Variants in GNAS observed in about 807,000 individuals in gnomAD.
GNAS encodes protein ALEX.
Under a neutral mutation model 54.5 loss-of-function variants are expected in GNAS, and 8 were observed. The ratio of observed to expected loss-of-function variants is 0.15; its 90% CI spans 0.09 to 0.26. GNAS has a LOEUF of 0.26. GNAS is among the 10% of genes least tolerant of loss of function. GNAS has a pLI of 1.00. For synonymous variants in GNAS, 204 were observed against 191.4 expected (o/e 1.07, Z -0.54); for missense variants, 170 against 529.8 (o/e 0.32, Z 6.67).
At chr20:58,898,826 G>A (rs913327693) in intron 2 of GNAS, 115 bp from the exon 3 acceptor site, 14 of 959,124 alleles carry the variant, frequency 1.5e-5, no homozygotes, top group East Asian at 7.2e-5. Flanking sequence ...GCTGGCGCGC[G>A]AATTGTTGCT....
intron 3 of GNAS, among the ~76,000 whole-genome samples, chr20:58,899,227 T>C (rs908242215): frequency 9.9e-5 from 15 of 152,238 alleles, no homozygotes; most frequent in Non-Finnish European, 1.6e-4. Context: ...GGGAAAGTTA[T>C]AGATTTCAGC....
chr20:58,855,740 C>T lies in GNAS; in HGVS notation c.43+14854C>T, dbSNP rs1246288667. The T allele has an allele frequency of 9.6e-6, 6 of 622,342 alleles. No homozygotes were observed. The East Asian group carries it at 1.4e-4, about 14-fold the overall frequency. 38.6% of individuals were successfully genotyped at this position (622,342 alleles called of 1,614,324 possible). A position where few individuals can be genotyped will look rare whatever the true frequency, so the allele number is the denominator to read the frequency against. On this transcript the variant is annotated intron_variant, in intron 1 of 12. Coordinates refer to the GNAS transcript ENST00000306090. ...GGTGGGCTGGGGTCATTGGGGAAGGCGCGCCCCGCCTCGCCTGGCACGGCT... is the reference window on the plus strand; with the variant it reads ...GGTGGGCTGGGGTCATTGGGGAAGGTGCGCCCCGCCTCGCCTGGCACGGCT...
upstream of GNAS, chr20:58,840,536 G>A (rs749355517): frequency 1.2e-6 from 2 of 1,613,500 alleles, no homozygotes; most frequent in Non-Finnish European, 1.7e-6. The surrounding 1 kb of genome is among the most constrained non-coding windows in gnomAD (Gnocchi z 6.0). Context: ...GCCTGAAGAC[G>A]ATCGCGGCCC....
chr20:58,850,752 G>A (rs753729444), intron 1 of GNAS: 3 of 398,750 alleles, frequency 7.5e-6, no homozygotes, highest in East Asian at 3.6e-5. Context: ...CCTCTCCCCC[G>A]AGGCTCGGCA....
intron 1 of GNAS, chr20:58,852,576 C>A (rs931997893): frequency 4.0e-5 from 7 of 176,746 alleles, no homozygotes. Flanking sequence ...CTTCTTCAGT[C>A]CCCCCTCCCC....
chr20:58,849,486 T>C (rs1307894227), intron 1 of GNAS, among the ~76,000 whole-genome samples: 1 of 152,242 alleles, frequency 6.6e-6, no homozygotes, highest in East Asian at 1.9e-4. Context: ...TTTGAATGTG[T>C]GATCTTTATC....
In GNAS at chr20:58,891,765, C is replaced by T. The variant is rs2089378097; in HGVS notation, c.39C>T (p.Arg13=). The change falls in exon 1 of 13, where the codon CGC becomes CGT. Residue 13 remains arginine, a synonymous_variant. Transcript: ENST00000371085. ...GGAACAGTAAGACCGAGGACCAGCGCAACGAGGAGAAGGCGCAGCGTGAGG... is the reference window on the plus strand; with the variant it reads ...GGAACAGTAAGACCGAGGACCAGCGTAACGAGGAGAAGGCGCAGCGTGAGG... ...CLGNSKTEDQ[R]NEEKAQREAN... is the part of the protein sequence containing the mutation. 2 of 1,270,062 alleles carry T rather than the reference C, an allele frequency of 1.6e-6. No homozygotes were observed. Among genetic ancestry groups the T allele is most frequent in the Non-Finnish European group, 1.0e-6 (1 of 967,722 alleles). The allele number at this position is 1,270,062 out of a possible 1,614,324, so 78.7% of individuals were successfully genotyped here. A position where few individuals can be genotyped will look rare whatever the true frequency, so the allele number is the denominator to read the frequency against.
Position 58,891,785 on chromosome 20 carries a change from G to A in GNAS, c.59G>A (p.Arg20His). 2.3e-6 allele frequency: 3 copies of A among 1,285,644 alleles called. No individual in the cohort carries two copies. Among genetic ancestry groups the A allele is most frequent in the Non-Finnish European group, 3.1e-6 (3 of 976,298 alleles). 79.6% of individuals were successfully genotyped at this position (1,285,644 alleles called of 1,614,324 possible). A position where few individuals can be genotyped will look rare whatever the true frequency, so the allele number is the denominator to read the frequency against. Residue 20 changes from arginine (R) to histidine (H), a missense_variant, in exon 1 of 13, where the codon CGT becomes CAT. Physicochemically the swap from Arg to His is conservative, Grantham distance 29. Coordinates refer to ENST00000371085, the MANE Select transcript of GNAS (RefSeq NM_000516.7). ...EDQRNEEKAQ[R>H]EANKKIEKQL... is the part of the protein sequence containing the mutation. ...CAGCGCAACGAGGAGAAGGCGCAGCGTGAGGCCAACAAAAAGATCGAGAAG... is the reference window on the plus strand; with the variant it reads ...CAGCGCAACGAGGAGAAGGCGCAGCATGAGGCCAACAAAAAGATCGAGAAG...
intron 1 of GNAS, among the ~76,000 whole-genome samples, chr20:58,845,407 T>C (rs1314469669): frequency 6.6e-6 from 1 of 152,168 alleles, no homozygotes; most frequent in Non-Finnish European, 1.5e-5. Context: ...ACCATGGACA[T>C]ACAGCTAGAC....
At chr20:58,866,076 C>A (rs891004975) in intron 1 of GNAS, among the ~76,000 whole-genome samples, 7 of 152,176 alleles carry the variant, frequency 4.6e-5, no homozygotes, top group African/African-American at 1.7e-4. Context: ...CGTATCAGCT[C>A]TAGGGTGGCA....
chr20:58,844,508 A>G (rs184462913), intron 1 of GNAS, among the ~76,000 whole-genome samples: 2 of 152,346 alleles, frequency 1.3e-5, no homozygotes, highest in Admixed American at 1.3e-4. Flanking sequence ...CTAGCAGCCC[A>G]GGTTGCTTCT....
chr20:58,847,563 T>C (rs1026859954), intron 1 of GNAS, among the ~76,000 whole-genome samples: 11 of 152,234 alleles, frequency 7.2e-5, no homozygotes, highest in Non-Finnish European at 1.0e-4. Context: ...TTCTACCTTC[T>C]CTTTCTGCTT....
At chr20:58,890,353 C>T (rs2089064643), upstream of GNAS, among the ~76,000 whole-genome samples, 1 of 151,172 alleles carries the variant, frequency 6.6e-6, no homozygotes, top group Non-Finnish European at 1.5e-5. Flanking sequence ...ACGAGTAGGG[C>T]CTGGGCTGAC....
At chr20:58,896,769 C>T (rs554477189) in intron 2 of GNAS, among the ~76,000 whole-genome samples, 4 of 152,160 alleles carry the variant, frequency 2.6e-5, no homozygotes, top group Non-Finnish European at 5.9e-5. Flanking sequence ...CAGTCCTGTT[C>T]CCTTTCTTAA....
At chr20:58,839,779 C>T (rs2085652298), upstream of GNAS, 5 of 569,510 alleles carry the variant, frequency 8.8e-6, no homozygotes, top group Non-Finnish European at 1.5e-5. Context: ...GGCAAGAGGA[C>T]CGGCGGAGGC....
At chr20:58,905,286 G>T in intron 5 of GNAS, 97 bp from the exon 6 acceptor site, 1 of 777,392 alleles carries the variant, frequency 1.3e-6, no homozygotes, top group South Asian at 1.4e-5. Flanking sequence ...CCAAGTGTCG[G>T]TCACATAGGG....
rs147123433 is a variant in GNAS, at chr20:58,841,039, G to A, written c.43+153G>A. Reference sequence around the variant, plus strand: ...GGATCGGGGGTCAGGGTGAGGCGGCGAGGGCTCCCCCAAACTTCCCAGGAT... The same window carrying A: ...GGATCGGGGGTCAGGGTGAGGCGGCAAGGGCTCCCCCAAACTTCCCAGGAT... On this transcript the variant is annotated intron_variant, in intron 1 of 12. Transcript: ENST00000306090. The surrounding 1 kb of genome is among the most constrained non-coding windows in gnomAD (Gnocchi z 5.0). Among the ~76,000 whole-genome samples the A allele has an allele frequency of 1.6e-3, 247 of 152,176 alleles. 2 individuals carry two copies. The highest frequency in any genetic ancestry group is 6.8e-3 in the Middle Eastern group (2 of 294).
chr20:58,880,828 T>C (rs1485065561), intron 1 of GNAS, among the ~76,000 whole-genome samples: 3 of 152,226 alleles, frequency 2.0e-5, no homozygotes, highest in Middle Eastern at 3.2e-3. Flanking sequence ...TGTAGAGTTC[T>C]ATCCTTTAGT....
intron 1 of GNAS, chr20:58,895,129 G>A (rs2089923969): frequency 4.3e-6 from 1 of 233,296 alleles, no homozygotes; most frequent in African/African-American, 2.3e-5. Context: ...TGATGTGGAA[G>A]AGACTGCAGT....
Sources: allele counts gnomAD v4.1 joint callset (sites outside exome capture counted in the v4.1 genomes callset), GRCh38; gene constraint gnomAD v4.1.1; non-coding constraint Gnocchi (gnomAD v3.1); transcripts MANE v1.5; gene names NCBI Gene and HGNC (gene_info 2026-07-23, HGNC 2026-07-21).